Variants in CAMSAP1 observed in about 807,000 individuals in gnomAD.
CAMSAP1 encodes calmodulin regulated spectrin associated protein 1.
CAMSAP1 carries 58 observed loss-of-function variants against 143.5 expected under a neutral mutation model. The ratio of observed to expected loss-of-function variants is 0.40; its 90% confidence interval spans 0.33 to 0.50. CAMSAP1 has a LOEUF of 0.50. CAMSAP1 is among the 20% of genes least tolerant of loss of function. The pLI, the probability that CAMSAP1 is intolerant of heterozygous loss-of-function variation, is 0.45. For missense variants in CAMSAP1, 1,969 were observed against 2,115.7 expected (o/e 0.93, Z 1.36); for synonymous variants, 945 against 859.3 (o/e 1.10, Z -1.74).
chr9:135,897,521 G>A (rs886330588), intron 1 of CAMSAP1, among the ~76,000 whole-genome samples: 5 of 152,278 alleles, frequency 3.3e-5, no homozygotes, highest in African/African-American at 1.2e-4. Context: ...ATGCCTACAT[G>A]ATGAGATGAA....
intron 7 of CAMSAP1, among the ~76,000 whole-genome samples, chr9:135,849,637 T>C (rs1368979965): frequency 6.6e-6 from 1 of 152,196 alleles, no homozygotes; most frequent in East Asian, 1.9e-4. Flanking sequence ...TTATTAATAG[T>C]TGGGGTTTTT....
intron 3 of CAMSAP1, 143 bp from the exon 4 acceptor site, chr9:135,866,679 T>C (rs1233896279): frequency 4.3e-5 from 25 of 584,002 alleles, no homozygotes; most frequent in Non-Finnish European, 7.1e-5. Context: ...ATTACACAGA[T>C]ACAGAAGTAC....
At chr9:135,839,602 GTACTGTACGCC>G (rs1836265525) in intron 7 of CAMSAP1, among the ~76,000 whole-genome samples, 2 of 152,156 alleles carry the variant, frequency 1.3e-5, no homozygotes. Context: ...TGTGCACAGG[GTACTGTACGCC>G]TGCTGACAGT....
intron 7 of CAMSAP1, among the ~76,000 whole-genome samples, chr9:135,849,617 C>A (rs1416928936): frequency 6.6e-6 from 1 of 152,106 alleles, no homozygotes; most frequent in Non-Finnish European, 1.5e-5. Flanking sequence ...TACCTTTTCC[C>A]CCTCTATAGT....
Position 135,820,933 on chromosome 9 carries a change from G to T in CAMSAP1, c.3728C>A (p.Ala1243Asp). The change falls in exon 11 of 17, where the codon GCC (alanine) becomes GAC (aspartate). Residue 1243 changes from alanine to aspartate, a missense_variant. By Grantham distance (126) the Ala-to-Asp change is moderately radical. This residue lies in a region of CAMSAP1 where 1,390 missense variants were observed against 1,420.8 expected (regional missense o/e 0.98). Transcript: ENST00000389532. This position sits in a 1 kb window ranked among gnomAD's most constrained non-coding sequence, Gnocchi z 4.4. Reference protein sequence around the residue: ...LIEVDLSDLKAPDEDGELVSL... With the variant: ...LIEVDLSDLKDPDEDGELVSL... ...TACCAGCTCCCCATCCTCGTCGGGGGCCTTCAGGTCGGAGAGGTCCACTTC... is the reference window on the plus strand; with the variant it reads ...TACCAGCTCCCCATCCTCGTCGGGGTCCTTCAGGTCGGAGAGGTCCACTTC... 1 of 1,613,768 alleles carries T rather than the reference G, an allele frequency of 6.2e-7. No individual in the cohort carries two copies. The highest frequency in any genetic ancestry group is 8.5e-7 in the Non-Finnish European group (1 of 1,179,820).
In CAMSAP1 at chr9:135,811,689, G is replaced by C; in HGVS notation, c.4507-78C>G. 3 of 1,402,682 alleles carry C rather than the reference G, an allele frequency of 2.1e-6. No individual in the cohort carries two copies. In the East Asian group the frequency reaches 7.5e-5, roughly 35 times the overall value. The allele number at this position is 1,402,682 out of a possible 1,614,324, so 86.9% of individuals were successfully genotyped here. On this transcript the variant is annotated intron_variant, in intron 16 of 16. Transcript: ENST00000389532. The surrounding 1 kb of genome is among the most constrained non-coding windows in gnomAD (Gnocchi z 4.9). ...TGCCACGAGTTGGGCTCCCACAGCGGCTCAACCAGCACCGCTCCGTGGGAA... is the reference window on the plus strand; with the variant it reads ...TGCCACGAGTTGGGCTCCCACAGCGCCTCAACCAGCACCGCTCCGTGGGAA...
At chr9:135,829,400 C>T (rs943256353) in intron 7 of CAMSAP1, among the ~76,000 whole-genome samples, 3 of 151,796 alleles carry the variant, frequency 2.0e-5, no homozygotes, top group Non-Finnish European at 2.9e-5. Flanking sequence ...GCCTGTAGTC[C>T]CAGCTACTTG....
intron 1 of CAMSAP1, among the ~76,000 whole-genome samples, chr9:135,894,395 C>A (rs1357460217): frequency 6.6e-6 from 1 of 152,238 alleles, no homozygotes. Context: ...ACACTCCACG[C>A]ACCTGACGGT....
chr9:135,891,933 A>G (rs1838302166), intron 1 of CAMSAP1, among the ~76,000 whole-genome samples: 1 of 152,248 alleles, frequency 6.6e-6, no homozygotes, highest in Non-Finnish European at 1.5e-5. Flanking sequence ...CAGAATGGCA[A>G]CGACAGAGGA....
Position 135,820,840 on chromosome 9 carries a change from T to C in CAMSAP1, c.3821A>G (p.Lys1274Arg). 6.2e-7 allele frequency: 1 copy of C among 1,612,480 alleles called. No homozygotes were observed. Among genetic ancestry groups the C allele is most frequent in the East Asian group, 2.2e-5 (1 of 44,872 alleles). The change falls in exon 11 of 17, where the codon AAG becomes AGG. Residue 1274 changes from lysine (K) to arginine (R), a missense_variant and splice_region_variant. By Grantham distance (26) the Lys-to-Arg change is conservative. Coordinates refer to ENST00000389532, the MANE Select transcript of CAMSAP1 (RefSeq NM_015447.4). This position sits in a 1 kb window ranked among gnomAD's most constrained non-coding sequence, Gnocchi z 4.4. ...AAACAGATGCTACCAATCCCTTACC[T>C]TGAAGAAGAAGCCGACCCCCGGCTT... The part of the protein sequence containing the change: ...DQKPGVGFFF[K>R]DEQKAEDELA...
At chr9:135,827,950 C>T (rs1186360622) in intron 7 of CAMSAP1, among the ~76,000 whole-genome samples, 2 of 152,254 alleles carry the variant, frequency 1.3e-5, no homozygotes, top group African/African-American at 4.8e-5. Context: ...AAGATGCCCA[C>T]CACCCAGGCT....
At position 135,823,079 on chromosome 9, in the gene CAMSAP1, T is replaced by C. The variant is rs1354292236; in HGVS notation, c.1582A>G (p.Ser528Gly). 2 of 1,613,880 alleles carry C rather than the reference T, an allele frequency of 1.2e-6. No individual in the cohort carries two copies. The highest frequency in any genetic ancestry group is 4.5e-5 in the East Asian group (2 of 44,880). The change falls in exon 11 of 17, where the codon AGC becomes GGC. Residue 528 changes from serine (S) to glycine (G), a missense_variant. By Grantham distance (56) the Ser-to-Gly change is moderately conservative. Around this residue, in one of 4 missense-constraint regions of CAMSAP1, gnomAD observed 1,390 missense variants for 1,420.8 expected, o/e 0.98. Coordinates refer to ENST00000389532, the MANE Select transcript of CAMSAP1 (RefSeq NM_015447.4). ...HPTATKSHGK[S>G]LLSNVSIEDE... Reference sequence around the variant, plus strand: ...TCAATACTGACATTGCTCAGGAGGCTCTTCCCGTGGCTCTTCGTGGCCGTG... The same window carrying C: ...TCAATACTGACATTGCTCAGGAGGCCCTTCCCGTGGCTCTTCGTGGCCGTG...
intron 5 of CAMSAP1, among the ~76,000 whole-genome samples, chr9:135,860,490 C>T (rs944890008): frequency 6.7e-6 from 1 of 149,164 alleles, no homozygotes; most frequent in South Asian, 2.1e-4. Context: ...CCCAGCTACT[C>T]GGGAGGCTGA....
At chr9:135,866,235 G>A (rs1837374922) in intron 4 of CAMSAP1, 1 of 510,410 alleles carries the variant, frequency 2.0e-6, no homozygotes, top group African/African-American at 1.9e-5. Flanking sequence ...ACCATAAAGT[G>A]CAATACAAAA....
At chr9:135,869,509 A>AC (rs112577516) in intron 3 of CAMSAP1, among the ~76,000 whole-genome samples, 20,775 of 151,066 alleles carry the variant, frequency 0.14, 1,594 homozygotes, top group Non-Finnish European at 0.17. Flanking sequence ...TCTCAAACAA[A>AC]AAAAAAAAAA....
chr9:135,824,911 A>C lies in CAMSAP1; in HGVS notation c.1224-31T>G, dbSNP rs757094354. On this transcript the variant is annotated intron_variant, in intron 8 of 16. Coordinates refer to ENST00000389532, the MANE Select transcript of CAMSAP1 (RefSeq NM_015447.4). The surrounding 1 kb of genome is among the most constrained non-coding windows in gnomAD (Gnocchi z 4.1). ...TGGAAAAAGAATTACAGGGAAAATC[A>C]TTCCTTTATCAAACTTCAAGGTCAA... 30 of 1,526,556 alleles carry C rather than the reference A, an allele frequency of 2.0e-5. No individual in the cohort carries two copies. In the East Asian group the frequency reaches 6.9e-4, roughly 35 times the overall value. The allele number at this position is 1,526,556 out of a possible 1,614,324, so 94.6% of individuals were successfully genotyped here. A position where few individuals can be genotyped will look rare whatever the true frequency, so the allele number is the denominator to read the frequency against.
intron 3 of CAMSAP1, among the ~76,000 whole-genome samples, chr9:135,868,019 A>G (rs1159446243): frequency 6.6e-6 from 1 of 152,264 alleles, no homozygotes; most frequent in Non-Finnish European, 1.5e-5. Flanking sequence ...TAACCCCAGC[A>G]GCATAACAGA....
chr9:135,835,717 G>A (rs1255875666), intron 7 of CAMSAP1, among the ~76,000 whole-genome samples: 4 of 152,216 alleles, frequency 2.6e-5, no homozygotes, highest in African/African-American at 4.8e-5. Flanking sequence ...GGTGGCTCAC[G>A]CCTGTAAGCC....
intron 14 of CAMSAP1, among the ~76,000 whole-genome samples, chr9:135,816,301 GCAGGGCACAGGCACAGCA>G (rs1408863404): frequency 2.0e-5 from 3 of 152,204 alleles, no homozygotes; most frequent in African/African-American, 4.8e-5. Flanking sequence ...GCCCCCGTGA[GCAGGGCACAGGCACAGCA>G]CAGGGCACAG....
Sources: allele counts gnomAD v4.1 joint callset (sites outside exome capture counted in the v4.1 genomes callset), GRCh38; gene constraint gnomAD v4.1.1; regional missense constraint gnomAD v4.1.1; non-coding constraint Gnocchi (gnomAD v3.1); transcripts MANE v1.5; gene names NCBI Gene and HGNC (gene_info 2026-07-23, HGNC 2026-07-21).